ENTREP1: variants seen among roughly 807,000 people sequenced by gnomAD.
ENTREP1 encodes the protein endosomal transmembrane epsin interactor 1, also known as Friedreich ataxia region gene X123.
the ENTREP1 span, among the ~76,000 whole-genome samples, chr9:69,349,338 G>T: frequency 6.6e-6 from 1 of 151,920 alleles, no homozygotes; most frequent in Non-Finnish European, 1.5e-5. Context: ...CATGTTTAAC[G>T]TTTTGAGAAA....
At chr9:69,372,774 C>T in the ENTREP1 span, among the ~76,000 whole-genome samples, 1 of 151,854 alleles carries the variant, frequency 6.6e-6, no homozygotes, top group African/African-American at 2.4e-5. Context: ...AGCAACTGCA[C>T]CATTTAATAT....
the ENTREP1 span, among the ~76,000 whole-genome samples, chr9:69,340,794 T>TGC: frequency 1.5e-3 from 113 of 77,022 alleles, 2 homozygotes; most frequent in African/African-American, 6.1e-3. Context: ...TGTGCATGTG[T>TGC]GTGTGCATGT....
chr9:69,389,180 C>T, the ENTREP1 span, among the ~76,000 whole-genome samples: 1 of 152,124 alleles, frequency 6.6e-6, no homozygotes, highest in African/African-American at 2.4e-5. Flanking sequence ...TTCATTGCTG[C>T]AGGTAGTGGG....
At chr9:69,336,793 C>A in the ENTREP1 span, among the ~76,000 whole-genome samples, 1 of 151,930 alleles carries the variant, frequency 6.6e-6, no homozygotes, top group South Asian at 2.1e-4. Context: ...CTCACTGTAA[C>A]CTTTGCCTCC....
the ENTREP1 span, among the ~76,000 whole-genome samples, chr9:69,331,078 A>T: frequency 6.6e-6 from 1 of 152,240 alleles, no homozygotes; most frequent in Non-Finnish European, 1.5e-5. Flanking sequence ...ACAGATAGGG[A>T]AGAAATACAC....
chr9:69,391,477 C>CTTTTT, the ENTREP1 span: 2 of 692,082 alleles, frequency 2.9e-6, no homozygotes. Context: ...GGGAAAATGC[C>CTTTTT]TTTTTTTTTT....
At chr9:69,346,116 G>A in the ENTREP1 span, among the ~76,000 whole-genome samples, 31 of 151,600 alleles carry the variant, frequency 2.0e-4, no homozygotes, top group African/African-American at 6.6e-4. Flanking sequence ...CCGGGTAGCT[G>A]GGATTACAGG....
At chr9:69,349,292 G>A in the ENTREP1 span, among the ~76,000 whole-genome samples, 95 of 151,676 alleles carry the variant, frequency 6.3e-4, 1 homozygote, top group Non-Finnish European at 4.4e-5. Context: ...TTGGGTACAT[G>A]TCTAGGAGTG....
the ENTREP1 span, among the ~76,000 whole-genome samples, chr9:69,378,714 G>T: frequency 6.6e-6 from 1 of 151,054 alleles, no homozygotes; most frequent in African/African-American, 2.4e-5. Flanking sequence ...AGCTGAGATC[G>T]CACCACTGCA....
At chr9:69,387,247 T>TC in the ENTREP1 span, 1 of 152,284 alleles carries the variant, frequency 6.6e-6, no homozygotes, top group Non-Finnish European at 1.5e-5. Context: ...GGTTTAGAGC[T>TC]CCCCACACCT....
At chr9:69,375,803 A>G in the ENTREP1 span, 1 of 1,614,032 alleles carries the variant, frequency 6.2e-7, no homozygotes, top group African/African-American at 1.3e-5. Context: ...TGCACAGACA[A>G]AGAAAATGCC....
At chr9:69,325,509 T>TGGCCGCGCCGCC in the ENTREP1 span, 2 of 970,884 alleles carry the variant, frequency 2.1e-6, no homozygotes, top group Non-Finnish European at 2.5e-6. Flanking sequence ...GCCGGGGTGC[T>TGGCCGCGCCGCC]GGCCGCGCCG....
chr9:69,383,535 C>T, the ENTREP1 span: 1 of 1,561,592 alleles, frequency 6.4e-7, no homozygotes, highest in Non-Finnish European at 8.7e-7. Context: ...AGTGGTTTTC[C>T]CCACAGTTTA....
the ENTREP1 span, among the ~76,000 whole-genome samples, chr9:69,374,428 G>C: frequency 3.3e-5 from 5 of 152,122 alleles, no homozygotes; most frequent in Non-Finnish European, 1.5e-5. Context: ...GGTTGGGGAA[G>C]TGAGTATTTT....
the ENTREP1 span, among the ~76,000 whole-genome samples, chr9:69,327,539 A>G: frequency 3.3e-5 from 5 of 152,198 alleles, no homozygotes; most frequent in African/African-American, 9.7e-5. Flanking sequence ...AAAAGCTGAA[A>G]TCAGTTTACT....
the ENTREP1 span, among the ~76,000 whole-genome samples, chr9:69,340,506 G>C: frequency 1.3e-5 from 2 of 152,104 alleles, no homozygotes; most frequent in South Asian, 4.1e-4. Context: ...CATGTGTTCA[G>C]AACAAAAATG....
At chr9:69,344,627 T>C in the ENTREP1 span, among the ~76,000 whole-genome samples, 1 of 152,234 alleles carries the variant, frequency 6.6e-6, no homozygotes, top group African/African-American at 2.4e-5. Flanking sequence ...CACGTGCTTA[T>C]GTTTCTGAAT....
the ENTREP1 span, among the ~76,000 whole-genome samples, chr9:69,349,210 A>G: frequency 6.8e-5 from 10 of 147,260 alleles, no homozygotes; most frequent in African/African-American, 1.0e-4. Context: ...AAAAAAAAAA[A>G]AGAGAAAAAA....
the ENTREP1 span, among the ~76,000 whole-genome samples, chr9:69,367,183 G>T: frequency 2.0e-5 from 3 of 149,650 alleles, no homozygotes; most frequent in Non-Finnish European, 3.0e-5. Context: ...CCTCCCACCT[G>T]GGCATCCTAA....
Sources: gnomAD v4.1 joint callset for allele counts (sites outside exome capture counted in the v4.1 genomes callset) on GRCh38, gnomAD v4.1.1 for gene constraint, MANE v1.5 for transcripts, NCBI Gene and HGNC (gene_info 2026-07-23, HGNC 2026-07-21) for gene names.